The following C10orf67 variants were observed in gnomAD, a reference collection of about 807,000 sequenced individuals.
C10orf67 encodes uncharacterized protein C10orf67, mitochondrial.
A neutral mutation model predicts 35.6 loss-of-function variants in C10orf67; 60 were observed. The ratio of observed to expected loss-of-function variants is 1.68; its 90% CI spans 1.37 to 2.09. The LOEUF (loss-of-function observed/expected upper bound fraction) is 2.09. Among genes scored for constraint, C10orf67 ranks in the 30% most tolerant of loss-of-function variants. The probability of loss-of-function intolerance (pLI) is 0.00; values close to 1 mark genes in which losing one functional copy is unlikely to be tolerated. For synonymous variants in C10orf67, 167 were observed against 115.8 expected (o/e 1.44, Z -2.84); for missense variants, 474 against 330.2 (o/e 1.44, Z -3.38).
chr10:23,323,950 T>TATATATATAC (rs1845081782), intron 2 of C10orf67, among the ~76,000 whole-genome samples: 1 of 60,476 alleles, frequency 1.7e-5, no homozygotes, highest in Non-Finnish European at 3.6e-5. Context: ...TATATATATA[T>TATATATATAC]ATACACACAC....
intron 10 of C10orf67, among the ~76,000 whole-genome samples, chr10:23,262,382 C>A (rs1279896638): frequency 6.6e-6 from 1 of 151,948 alleles, no homozygotes; most frequent in Non-Finnish European, 1.5e-5. Context: ...AGGGTCACCT[C>A]GCTGTCTGTG....
chr10:23,284,051 C>G (rs1843451564), intron 7 of C10orf67, among the ~76,000 whole-genome samples: 1 of 148,838 alleles, frequency 6.7e-6, no homozygotes, highest in Non-Finnish European at 1.5e-5. Context: ...AGATAGATGG[C>G]AAGAGGTCAG....
At chr10:23,218,695 C>T (rs983681632) in intron 15 of C10orf67, among the ~76,000 whole-genome samples, 2 of 152,000 alleles carry the variant, frequency 1.3e-5, no homozygotes, top group Admixed American at 1.3e-4. Flanking sequence ...TTACAGACCC[C>T]GTAATACATT....
chr10:23,315,517 C>T (rs1844667705), intron 4 of C10orf67, among the ~76,000 whole-genome samples: 1 of 151,672 alleles, frequency 6.6e-6, no homozygotes, highest in African/African-American at 2.4e-5. Context: ...TGGCTCACTG[C>T]AGCCTTAACT....
At chr10:23,227,312 T>C (rs535948980) in intron 13 of C10orf67, among the ~76,000 whole-genome samples, 22 of 152,228 alleles carry the variant, frequency 1.4e-4, no homozygotes, top group African/African-American at 5.1e-4. Flanking sequence ...TAATCCAGCA[T>C]ATAAACAGAA....
At chr10:23,319,784 C>T (rs1280691849) in intron 4 of C10orf67, among the ~76,000 whole-genome samples, 1 of 152,214 alleles carries the variant, frequency 6.6e-6, no homozygotes, top group Non-Finnish European at 1.5e-5. Context: ...ACAGCCAACT[C>T]ACCTTCAGGT....
At chr10:23,234,279 C>T (rs1454476225) in intron 13 of C10orf67, among the ~76,000 whole-genome samples, 3 of 152,142 alleles carry the variant, frequency 2.0e-5, no homozygotes, top group East Asian at 1.9e-4. Context: ...AACTTAAATG[C>T]CCATCAATGA....
chr10:23,247,968 T>C (rs1418253873), intron 12 of C10orf67, among the ~76,000 whole-genome samples: 2 of 152,208 alleles, frequency 1.3e-5, no homozygotes, highest in Non-Finnish European at 2.9e-5. Context: ...GTGAGGGGAC[T>C]ATATGAGCAG....
Position 23,237,235 on chromosome 10 carries a change from G to A in C10orf67, c.1434+2494C>T, listed in dbSNP as rs181285108. 4.6e-5 allele frequency among the ~76,000 whole-genome samples: 7 copies of A among 152,164 alleles called. No homozygotes were observed. In the East Asian group the frequency reaches 9.7e-4, roughly 21 times the overall value. ...GATCTCGTTCTTTTTTTATGGCTGC[G>A]TCATATTCCATGGTGTATATGTACC... On this transcript the variant is annotated intron_variant, in intron 13 of 15. Transcript: ENST00000636213.
chr10:23,307,577 T>C lies in C10orf67; in HGVS notation c.547-4118A>G, dbSNP rs12266786. On this transcript the variant is annotated intron_variant, in intron 4 of 15. Coordinates refer to ENST00000636213, the MANE Select transcript of C10orf67 (RefSeq NM_001371909.1). ...TATCCAATATCAGCTTTTAAAATTT[T>C]GTGATTTTATTTATTTAGATTTTTT... Among the ~76,000 whole-genome samples the C allele has an allele frequency of 5.2e-3, 791 of 151,844 alleles. 8 individuals carry two copies. Among genetic ancestry groups the C allele is most frequent in the African/African-American group, 0.018 (754 of 41,436 alleles).
At chr10:23,217,724 A>T (rs911975256) in intron 15 of C10orf67, among the ~76,000 whole-genome samples, 1 of 152,182 alleles carries the variant, frequency 6.6e-6, no homozygotes, top group Non-Finnish European at 1.5e-5. Context: ...CACCAGGTGT[A>T]GGTGTGATAA....
chr10:23,327,779 C>T (rs1463358860), intron 2 of C10orf67, among the ~76,000 whole-genome samples: 1 of 151,036 alleles, frequency 6.6e-6, no homozygotes. Flanking sequence ...GAGAAGAGAT[C>T]GCACCACTGC....
At chr10:23,230,151 G>C (rs539362063) in intron 13 of C10orf67, among the ~76,000 whole-genome samples, 1 of 152,144 alleles carries the variant, frequency 6.6e-6, no homozygotes, top group African/African-American at 2.4e-5. Context: ...AACAGATTGA[G>C]TCAGAATAGA....
intron 1 of C10orf67, among the ~76,000 whole-genome samples, chr10:23,340,867 A>G (rs1845856431): frequency 6.6e-6 from 1 of 152,248 alleles, no homozygotes; most frequent in Admixed American, 6.5e-5. Flanking sequence ...AATTACATAC[A>G]AAATTAACGT....
At chr10:23,230,283 C>G (rs1464580438) in intron 13 of C10orf67, among the ~76,000 whole-genome samples, 2 of 152,082 alleles carry the variant, frequency 1.3e-5, no homozygotes, top group Admixed American at 1.3e-4. Context: ...AACCAGATGT[C>G]TATCTCTCTA....
At chr10:23,342,759 T>A (rs1044122939) in intron 1 of C10orf67, among the ~76,000 whole-genome samples, 1 of 152,208 alleles carries the variant, frequency 6.6e-6, no homozygotes, top group African/African-American at 2.4e-5. Flanking sequence ...TTAACAAACG[T>A]ACCCATTGAA....
At chr10:23,291,675 A>G (rs570245737) in intron 5 of C10orf67, among the ~76,000 whole-genome samples, 8 of 152,252 alleles carry the variant, frequency 5.3e-5, no homozygotes, top group African/African-American at 1.9e-4. Context: ...GGGCAGCGCC[A>G]GGGGGTGGCA....
intron 8 of C10orf67, among the ~76,000 whole-genome samples, chr10:23,279,403 A>T (rs1276654287): frequency 1.3e-5 from 2 of 152,258 alleles, no homozygotes; most frequent in African/African-American, 4.8e-5. Flanking sequence ...GCCACATGAC[A>T]TATAACAGGA....
rs1351748683 is a variant in C10orf67, at chr10:23,303,318, C to A, written c.688G>T (p.Gly230Ter). Residue 230 changes from glycine to a stop codon, truncating the protein, a stop_gained, in exon 5 of 16, where the codon GGA becomes TGA. Coordinates refer to ENST00000636213, the MANE Select transcript of C10orf67 (RefSeq NM_001371909.1). LOFTEE classifies it high-confidence loss of function. ...TTGAAACTTACCATTTTGTGAAATC[C>A]AAAATCTTTATATTGGTCTAGTTCT... ...KEELDQYKDF[G>*]FHKMESFAKE... 3.6e-6 allele frequency: 2 copies of A among 552,604 alleles called. No individual in the cohort carries two copies. Among genetic ancestry groups the A allele is most frequent in the Non-Finnish European group, 3.2e-6 (1 of 307,888 alleles). 34.2% of individuals were successfully genotyped at this position (552,604 alleles called of 1,614,324 possible). A position where few individuals can be genotyped will look rare whatever the true frequency, so the allele number is the denominator to read the frequency against.
Sources: gnomAD v4.1 joint callset for allele counts (sites outside exome capture counted in the v4.1 genomes callset) on GRCh38, gnomAD v4.1.1 for gene constraint, MANE v1.5 for transcripts, NCBI Gene and HGNC (gene_info 2026-07-23, HGNC 2026-07-21) for gene names.